Variants in RAP1GAP2 observed in about 807,000 individuals in gnomAD.
RAP1GAP2 encodes the protein RAP1 GTPase activating protein 2.
Under a neutral mutation model 95.0 loss-of-function variants are expected in RAP1GAP2, and 27 were observed. The observed-to-expected ratio is 0.28, with a 90% CI of 0.21 to 0.39. The LOEUF (loss-of-function observed/expected upper bound fraction) is 0.39. Ranked by LOEUF, RAP1GAP2 falls within the 10% of genes least tolerant of loss-of-function variation. The pLI is 1.00. For synonymous variants in RAP1GAP2, 373 were observed against 380.9 expected (o/e 0.98, Z 0.24); for missense variants, 771 against 970.0 (o/e 0.79, Z 2.72).
chr17:2,883,387 C>A (rs987989494), intron 2 of RAP1GAP2, among the ~76,000 whole-genome samples: 2 of 152,178 alleles, frequency 1.3e-5, no homozygotes, highest in South Asian at 2.1e-4. Context: ...CCAGCCTTTG[C>A]GGTTCCCTTT....
intron 3 of RAP1GAP2, among the ~76,000 whole-genome samples, chr17:2,936,883 T>C (rs535289100): frequency 5.6e-4 from 86 of 152,370 alleles, no homozygotes; most frequent in African/African-American, 2.0e-3. Context: ...GGATTGTAAT[T>C]ATTTGCTTCT....
intron 2 of RAP1GAP2, among the ~76,000 whole-genome samples, chr17:2,879,467 C>T (rs1240531125): frequency 6.6e-6 from 1 of 152,060 alleles, no homozygotes; most frequent in Admixed American, 6.5e-5. Context: ...GCAGCTCATG[C>T]CTGTCATCGC....
intron 8 of RAP1GAP2, among the ~76,000 whole-genome samples, chr17:2,971,809 A>T (rs17221933): frequency 0.19 from 29,275 of 152,148 alleles, 3,060 homozygotes; most frequent in East Asian, 0.32. Flanking sequence ...AGAAAGCCAG[A>T]GGAAGGAATT....
At chr17:2,877,159 A>G (rs9907440) in intron 2 of RAP1GAP2, among the ~76,000 whole-genome samples, 2,032 of 151,996 alleles carry the variant, frequency 0.013, 46 homozygotes, top group African/African-American at 0.046. Flanking sequence ...AAAGTGCTGG[A>G]ATTACAGGCG....
intron 8 of RAP1GAP2, among the ~76,000 whole-genome samples, chr17:2,978,231 C>T (rs1370742924): frequency 2.0e-5 from 3 of 152,148 alleles, no homozygotes; most frequent in African/African-American, 7.2e-5. Flanking sequence ...TTTCACCTTT[C>T]GACTTAAAGG....
At chr17:2,762,670 T>C (rs2071278003) in intron 1 of RAP1GAP2, among the ~76,000 whole-genome samples, 1 of 151,640 alleles carries the variant, frequency 6.6e-6, no homozygotes, top group African/African-American at 2.4e-5. Context: ...CAAAGTGCTA[T>C]GCTGGAATTA....
chr17:2,886,139 G>A (rs1840715563), intron 2 of RAP1GAP2, among the ~76,000 whole-genome samples: 1 of 96,742 alleles, frequency 1.0e-5, no homozygotes. Flanking sequence ...GTATTTATGT[G>A]TGTGTGTGTG....
intron 2 of RAP1GAP2, among the ~76,000 whole-genome samples, chr17:2,887,228 T>C (rs746677738): frequency 6.6e-5 from 10 of 151,626 alleles, no homozygotes; most frequent in Admixed American, 6.6e-5. Context: ...CAGCTAATTT[T>C]TGTATTTTTA....
chr17:2,857,481 C>T lies in RAP1GAP2; in HGVS notation c.81-47803C>T, dbSNP rs2072190371. On this transcript the variant is annotated intron_variant, in intron 2 of 24. Transcript: ENST00000254695. This position sits in a 1 kb window ranked among gnomAD's most constrained non-coding sequence, Gnocchi z 4.0. ...TCAATTTCCGTTTTCGAGAAATGGG[C>T]GTGGTGATCATCATGTTGGACTTGA... 6.6e-6 allele frequency among the ~76,000 whole-genome samples: 1 copy of T among 152,162 alleles called. No homozygotes were observed. Among genetic ancestry groups the T allele is most frequent in the Non-Finnish European group, 1.5e-5 (1 of 68,036 alleles).
Position 2,963,360 on chromosome 17 carries a change from C to G in RAP1GAP2, c.247-70C>G. The G allele has an allele frequency of 6.3e-7, 1 of 1,590,376 alleles. No homozygotes were observed. Among genetic ancestry groups the G allele is most frequent in the Non-Finnish European group, 8.6e-7 (1 of 1,158,824 alleles). On this transcript the variant is annotated intron_variant, in intron 5 of 24. Coordinates refer to ENST00000254695, the MANE Select transcript of RAP1GAP2 (RefSeq NM_015085.5). The surrounding 1 kb of genome is among the most constrained non-coding windows in gnomAD (Gnocchi z 4.8). ...CCACAACATATCCCCCTTGCAAGAC[C>G]TGGAAACAGTGGTCAGACTTTACGG... is the stretch of plus-strand genomic sequence containing the variant.
upstream of RAP1GAP2, among the ~76,000 whole-genome samples, chr17:2,793,753 G>C (rs1390586485): frequency 6.6e-6 from 1 of 152,204 alleles, no homozygotes; most frequent in Admixed American, 6.5e-5. Context: ...CTATACCCGG[G>C]GTCAGCTGGT....
At chr17:2,835,109 A>T (rs1187772528) in intron 2 of RAP1GAP2, among the ~76,000 whole-genome samples, 1 of 149,526 alleles carries the variant, frequency 6.7e-6, no homozygotes, top group East Asian at 2.0e-4. Flanking sequence ...TTTTTAGTAG[A>T]GACAGGGATT....
intron 2 of RAP1GAP2, among the ~76,000 whole-genome samples, chr17:2,830,863 A>C (rs1350642209): frequency 6.6e-6 from 1 of 150,666 alleles, no homozygotes; most frequent in Non-Finnish European, 1.5e-5. Flanking sequence ...TACATTCTAA[A>C]ATTCACTTTG....
Position 3,003,351 on chromosome 17 carries a change from A to G in RAP1GAP2, c.1201-2018A>G, listed in dbSNP as rs150975266. The stretch of plus-strand genomic sequence containing the variant: ...GGAAGGAAAGTCCAGCTCAGCCATC[A>G]CCAGGACTACCCCTTTCCCTCCCCC... On this transcript the variant is annotated intron_variant, in intron 14 of 24. Coordinates refer to ENST00000254695, the MANE Select transcript of RAP1GAP2 (RefSeq NM_015085.5). This position sits in a 1 kb window ranked among gnomAD's most constrained non-coding sequence, Gnocchi z 4.1. Among the ~76,000 whole-genome samples the G allele has an allele frequency of 2.3e-3, 349 of 152,130 alleles. 4 individuals are homozygous for G. The highest frequency in any genetic ancestry group is 8.0e-3 in the African/African-American group (330 of 41,454).
At chr17:2,793,540 G>A (rs2068985577), upstream of RAP1GAP2, among the ~76,000 whole-genome samples, 4 of 152,232 alleles carry the variant, frequency 2.6e-5, no homozygotes, top group Admixed American at 2.6e-4. Flanking sequence ...GCTCACCCTG[G>A]TGCTTTCTGC....
chr17:2,987,738 TA>T (rs950375039), intron 11 of RAP1GAP2, among the ~76,000 whole-genome samples: 17 of 149,776 alleles, frequency 1.1e-4, no homozygotes, highest in African/African-American at 2.4e-4. Flanking sequence ...AAGGTAATTC[TA>T]AAAAAAAAAT....
intron 18 of RAP1GAP2, among the ~76,000 whole-genome samples, chr17:3,019,175 G>T (rs1419718256): frequency 3.3e-5 from 5 of 152,176 alleles, no homozygotes; most frequent in Non-Finnish European, 5.9e-5. Context: ...GGTCCTGCAG[G>T]CCTGTGAGTT....
intron 19 of RAP1GAP2, among the ~76,000 whole-genome samples, chr17:3,021,802 G>A (rs775195608): frequency 3.9e-5 from 6 of 152,182 alleles, no homozygotes; most frequent in Non-Finnish European, 8.8e-5. Flanking sequence ...CCATGTTGCT[G>A]CAAATGACAG....
At chr17:2,767,134 T>C (rs931444545) in intron 1 of RAP1GAP2, among the ~76,000 whole-genome samples, 4 of 151,486 alleles carry the variant, frequency 2.6e-5, no homozygotes, top group Non-Finnish European at 5.9e-5. Flanking sequence ...GAGGCCGAGG[T>C]GGGTGGATCA....
Sources: gnomAD v4.1 joint callset for allele counts (sites outside exome capture counted in the v4.1 genomes callset) on GRCh38, gnomAD v4.1.1 for gene constraint, Gnocchi (gnomAD v3.1) non-coding constraint, MANE v1.5 for transcripts, NCBI Gene and HGNC (gene_info 2026-07-23, HGNC 2026-07-21) for gene names.